STAG1: variants seen among roughly 807,000 people sequenced by gnomAD.
STAG1 encodes the protein STAG1 cohesin complex component.
In STAG1, 26 loss-of-function variants were observed where a neutral mutation model predicts 170.9. The ratio of observed to expected loss-of-function variants is 0.15; its 90% CI spans 0.11 to 0.21. The LOEUF is 0.21. STAG1 is among the 10% of genes least tolerant of loss of function. The pLI is 1.00. For missense variants in STAG1, 964 were observed against 1,509.5 expected (o/e 0.64, Z 5.99); for synonymous variants, 514 against 497.7 (o/e 1.03, Z -0.44).
At chr3:136,517,571 A>G (rs1934443853) in intron 7 of STAG1, among the ~76,000 whole-genome samples, 2 of 152,268 alleles carry the variant, frequency 1.3e-5, no homozygotes, top group South Asian at 2.1e-4. Context: ...ACTTCATAAT[A>G]CCAAACAAGA....
At chr3:136,376,856 T>C in intron 23 of STAG1, among the ~76,000 whole-genome samples, 1 of 151,844 alleles carries the variant, frequency 6.6e-6, no homozygotes. Flanking sequence ...AATGGCGCGA[T>C]CTTGGCTCAC....
At chr3:136,712,956 T>C (rs933231909) in intron 1 of STAG1, among the ~76,000 whole-genome samples, 1 of 152,000 alleles carries the variant, frequency 6.6e-6, no homozygotes, top group East Asian at 1.9e-4. Context: ...CCAGGCACAG[T>C]GGCGGGTGCC....
At chr3:136,526,018 A>T (rs1230217172) in intron 6 of STAG1, among the ~76,000 whole-genome samples, 1 of 152,176 alleles carries the variant, frequency 6.6e-6, no homozygotes, top group East Asian at 1.9e-4. Context: ...ACTTCCAACT[A>T]TGTGGTCAAT....
chr3:136,699,681 C>T (rs1344591695), intron 1 of STAG1, among the ~76,000 whole-genome samples: 7 of 151,578 alleles, frequency 4.6e-5, no homozygotes, highest in Admixed American at 2.0e-4. Flanking sequence ...GAATGGAAAA[C>T]CAAATATGGT....
At chr3:136,517,291 C>T (rs950354499) in intron 7 of STAG1, among the ~76,000 whole-genome samples, 1 of 152,094 alleles carries the variant, frequency 6.6e-6, no homozygotes, top group Non-Finnish European at 1.5e-5. Context: ...ATTATTAGTA[C>T]AAATTTTGTA....
At position 136,341,686 on chromosome 3, in the gene STAG1, T is replaced by G. The variant is rs563576242; in HGVS notation, c.3447-135A>C. The G allele has an allele frequency of 4.9e-6, 3 of 616,142 alleles. No individual in the cohort carries two copies. In the Admixed American group the frequency reaches 8.9e-5, roughly 18 times the overall value. The allele number at this position is 616,142 out of a possible 1,614,324, so 38.2% of individuals were successfully genotyped here. A position where few individuals can be genotyped will look rare whatever the true frequency, so the allele number is the denominator to read the frequency against. ...TTAGCTGGATTTATTCTGGTGCCTT[T>G]TTATAAAAAAGGCAATAAGTTGCCC... On this transcript the variant is annotated intron_variant, in intron 30 of 33. Coordinates refer to ENST00000383202, the MANE Select transcript of STAG1 (RefSeq NM_005862.3).
Position 136,337,941 on chromosome 3 carries a change from C to G in STAG1, c.*313G>C, listed in dbSNP as rs1266614712. On this transcript the variant is annotated 3_prime_UTR_variant, in exon 34 of 34. Transcript: ENST00000383202. ...AAAACAGGTGTATAACAGTGTTTATCTTGACAGCTGTTTTAAAAATTTAAA... is the reference window on the plus strand; with the variant it reads ...AAAACAGGTGTATAACAGTGTTTATGTTGACAGCTGTTTTAAAAATTTAAA... 3.7e-6 allele frequency: 1 copy of G among 268,040 alleles called. No homozygotes were observed. The highest frequency in any genetic ancestry group is 5.2e-5 in the Admixed American group (1 of 19,356). The allele number at this position is 268,040 out of a possible 1,614,324, so 16.6% of individuals were successfully genotyped here. A position where few individuals can be genotyped will look rare whatever the true frequency, so the allele number is the denominator to read the frequency against.
intron 4 of STAG1, among the ~76,000 whole-genome samples, chr3:136,579,804 G>C (rs1157195765): frequency 6.6e-6 from 1 of 152,020 alleles, no homozygotes; most frequent in Non-Finnish European, 1.5e-5. Context: ...TAAACAATTA[G>C]TACAATGCTG....
At chr3:136,679,696 T>C (rs1039566696) in intron 1 of STAG1, among the ~76,000 whole-genome samples, 1 of 145,090 alleles carries the variant, frequency 6.9e-6, no homozygotes, top group African/African-American at 2.6e-5. Context: ...GCCACTGCAG[T>C]CTGGCCTGGG....
intron 9 of STAG1, among the ~76,000 whole-genome samples, chr3:136,488,393 G>C (rs968296539): frequency 6.6e-6 from 1 of 152,198 alleles, no homozygotes; most frequent in African/African-American, 2.4e-5. Context: ...AAAGGGCTGG[G>C]GTTACAGGCG....
chr3:136,625,994 A>G (rs1940073438), intron 2 of STAG1, among the ~76,000 whole-genome samples: 1 of 151,464 alleles, frequency 6.6e-6, no homozygotes, highest in East Asian at 1.9e-4. Flanking sequence ...TGGACGTTGC[A>G]GTGAGCAGAG....
chr3:136,584,227 A>T (rs887432942), intron 4 of STAG1, among the ~76,000 whole-genome samples: 1 of 152,178 alleles, frequency 6.6e-6, no homozygotes, highest in Non-Finnish European at 1.5e-5. Context: ...ATTTCCACTA[A>T]AAATATCTGG....
chr3:136,429,146 C>A (rs1485803761), intron 16 of STAG1, among the ~76,000 whole-genome samples: 1 of 150,288 alleles, frequency 6.7e-6, no homozygotes, highest in Non-Finnish European at 1.5e-5. Context: ...GTGGCTCACA[C>A]CTGTAATCCC....
intron 5 of STAG1, among the ~76,000 whole-genome samples, chr3:136,557,675 T>C (rs879529739): frequency 6.6e-6 from 1 of 152,134 alleles, no homozygotes; most frequent in Non-Finnish European, 1.5e-5. Flanking sequence ...CCTGAGTAGC[T>C]GGGATTACAA....
At chr3:136,538,767 G>A (rs1935760843) in intron 6 of STAG1, among the ~76,000 whole-genome samples, 1 of 151,912 alleles carries the variant, frequency 6.6e-6, no homozygotes, top group African/African-American at 2.4e-5. Flanking sequence ...TAAAAACTAT[G>A]GCCCTCTGAA....
intron 1 of STAG1, among the ~76,000 whole-genome samples, chr3:136,740,734 C>A (rs1179421923): frequency 2.0e-5 from 3 of 152,130 alleles, no homozygotes; most frequent in Non-Finnish European, 4.4e-5. Context: ...CCCGCCCCAG[C>A]CTCCAAAAGG....
At chr3:136,668,432 ATATAT>A (rs981622948) in intron 1 of STAG1, among the ~76,000 whole-genome samples, 14 of 146,712 alleles carry the variant, frequency 9.5e-5, no homozygotes, top group East Asian at 5.8e-4. Context: ...TATAACATTT[ATATAT>A]TATATTTATA....
At chr3:136,731,554 AG>A (rs1398763003) in intron 1 of STAG1, among the ~76,000 whole-genome samples, 2 of 152,230 alleles carry the variant, frequency 1.3e-5, no homozygotes, top group Non-Finnish European at 2.9e-5. Context: ...CCTGGATGGG[AG>A]AAAGAGAGGA....
At chr3:136,630,069 C>A (rs1241770275) in intron 2 of STAG1, among the ~76,000 whole-genome samples, 3 of 152,052 alleles carry the variant, frequency 2.0e-5, no homozygotes, top group Non-Finnish European at 1.5e-5. Context: ...GTGGCACGTG[C>A]CTATAATCCC....
Sources: gnomAD v4.1 joint callset for allele counts (sites outside exome capture counted in the v4.1 genomes callset) on GRCh38, gnomAD v4.1.1 for gene constraint, MANE v1.5 for transcripts, NCBI Gene and HGNC (gene_info 2026-07-23, HGNC 2026-07-21) for gene names.